Variants in TECTA observed in about 807,000 individuals in gnomAD.
TECTA encodes the protein alpha-tectorin.
A neutral mutation model predicts 216.8 loss-of-function variants in TECTA; 128 were observed. That is an observed-to-expected ratio of 0.59 (90% CI 0.51 to 0.68). TECTA has a LOEUF of 0.68. TECTA is among the 30% of genes least tolerant of loss of function. The probability of loss-of-function intolerance (pLI) is 0.00; values close to 1 mark genes in which losing one functional copy is unlikely to be tolerated. For synonymous variants in TECTA, 1,089 were observed against 1,117.1 expected, an observed-to-expected ratio of 0.97 and a Z score of 0.50; for missense variants, 2,551 against 2,786.2, an observed-to-expected ratio of 0.92 and a Z score of 1.90.
At chr11:121,173,547 A>C (rs1446571106) in intron 20 of TECTA, among the ~76,000 whole-genome samples, 1 of 114,296 alleles carries the variant, frequency 8.7e-6, no homozygotes, top group African/African-American at 3.7e-5. Flanking sequence ...CCATTGATCT[A>C]TATCTCTGTT....
rs953153240 is a variant in TECTA, at chr11:121,109,861, C to T, written c.486+363C>T. 1.8e-5 allele frequency: 5 copies of T among 276,188 alleles called. No homozygotes were observed. The East Asian group carries it at 4.5e-4, about 25-fold the overall frequency. The allele number at this position is 276,188 out of a possible 1,614,324, so 17.1% of individuals were successfully genotyped here. A position where few individuals can be genotyped will look rare whatever the true frequency, so the allele number is the denominator to read the frequency against. On this transcript the variant is annotated intron_variant, in intron 4 of 23. Transcript: ENST00000392793. ...GGGACCCATCTAGGGACCCAAAGGTCCTTTTCTCTTGCCCGAGGTACAAGT... is the reference window on the plus strand; with the variant it reads ...GGGACCCATCTAGGGACCCAAAGGTTCTTTTCTCTTGCCCGAGGTACAAGT...
Position 121,137,703 on chromosome 11 carries a change from T to C in TECTA, c.3224T>C (p.Ile1075Thr), listed in dbSNP as rs764774939. Residue 1075 changes from isoleucine to threonine, a missense_variant, in exon 11 of 24, where the codon ATT becomes ACT. Coordinates refer to ENST00000392793, the MANE Select transcript of TECTA (RefSeq NM_005422.4). ...GACAACAGGGTCCACTGCGAGACCA[T>C]TCCCTGCAAGGATGATGAGTACTGC... ...GTDNRVHCETIPCKDDEYCME... is the reference protein window; with the variant it reads ...GTDNRVHCETTPCKDDEYCME... 2.5e-6 allele frequency: 4 copies of C among 1,613,964 alleles called. No homozygotes were observed. In the Admixed American group the frequency reaches 5.0e-5, roughly 20 times the overall value.
At chr11:121,170,194 T>C (rs1446338086) in intron 20 of TECTA, among the ~76,000 whole-genome samples, 1 of 152,204 alleles carries the variant, frequency 6.6e-6, no homozygotes, top group Non-Finnish European at 1.5e-5. Flanking sequence ...TCATTTCTTT[T>C]TAAGGCTGAA....
chr11:121,178,504 T>C (rs1023358839), intron 20 of TECTA, among the ~76,000 whole-genome samples: 6 of 148,334 alleles, frequency 4.0e-5, no homozygotes, highest in African/African-American at 1.5e-4. Context: ...TGTTTAGATA[T>C]TGGCTTGTAG....
intron 9 of TECTA, 113 bp downstream of exon 9, chr11:121,128,457 A>G: frequency 1.0e-6 from 1 of 982,920 alleles, no homozygotes. Context: ...GATTTTAGAA[A>G]GAAGATGGCT....
rs754872660 is a variant in TECTA, at chr11:121,153,029, C to T, written c.4254C>T (p.Ser1418=). The T allele has an allele frequency of 1.2e-6, 2 of 1,614,176 alleles. No individual in the cohort carries two copies. Among genetic ancestry groups the T allele is most frequent in the Admixed American group, 3.3e-5 (2 of 60,036 alleles). Residue 1418 remains serine, a synonymous_variant, in exon 13 of 24, where the codon AGC becomes AGT. Transcript: ENST00000392793. ...CTGGCTACGTCCTCAACGGCAAGAGCTGCATCCTGCCCCACAGCTGCGGCT... is the reference window on the plus strand; with the variant it reads ...CTGGCTACGTCCTCAACGGCAAGAGTTGCATCCTGCCCCACAGCTGCGGCT... The part of the protein sequence containing the change: ...CDAGYVLNGK[S]CILPHSCGCY...
chr11:121,128,381 C>T (rs747337579), intron 9 of TECTA, 37 bp downstream of exon 9: 4 of 1,585,630 alleles, frequency 2.5e-6, no homozygotes, highest in Non-Finnish European at 3.4e-6. Context: ...GTTCCTGGTA[C>T]GTCCAGCCAG....
chr11:121,124,905 A>G (rs1946592597), intron 7 of TECTA, among the ~76,000 whole-genome samples: 1 of 152,218 alleles, frequency 6.6e-6, no homozygotes, highest in Admixed American at 6.5e-5. Context: ...GTCCTGGAAA[A>G]TGCATGACTT....
At chr11:121,165,471 A>C in intron 17 of TECTA, 88 bp downstream of exon 17, 1 of 1,088,858 alleles carries the variant, frequency 9.2e-7, no homozygotes, top group Non-Finnish European at 1.3e-6. Flanking sequence ...CCACTTTGTG[A>C]AGCTTTCCCA....
chr11:121,109,765 G>A, intron 4 of TECTA: 3 of 465,160 alleles, frequency 6.4e-6, no homozygotes, highest in Non-Finnish European at 1.2e-5. Flanking sequence ...AAACTTTCCT[G>A]CTGTAAGTGA....
intron 11 of TECTA, among the ~76,000 whole-genome samples, chr11:121,143,202 G>T (rs1394565901): frequency 6.6e-6 from 1 of 152,156 alleles, no homozygotes; most frequent in Non-Finnish European, 1.5e-5. Flanking sequence ...GTGTGTATGG[G>T]ATACAAGGCC....
chr11:121,117,747 A>T (rs767883830), intron 6 of TECTA, among the ~76,000 whole-genome samples: 1 of 152,198 alleles, frequency 6.6e-6, no homozygotes, highest in South Asian at 2.1e-4. Context: ...TGTGCAAGAA[A>T]GTGGTCAGTG....
chr11:121,123,014 G>A (rs61013776), intron 7 of TECTA, among the ~76,000 whole-genome samples: 24,690 of 152,184 alleles, frequency 0.16, 2,580 homozygotes, highest in East Asian at 0.35. Flanking sequence ...TGCATGTGGC[G>A]CCTGCCACGG....
Position 121,129,722 on chromosome 11 carries a change from G to A in TECTA, c.2452G>A (p.Glu818Lys), listed in dbSNP as rs1023931004. Residue 818 changes from glutamate (E) to lysine (K), a missense_variant, in exon 10 of 24, where the codon GAG becomes AAG. By Grantham distance (56) the Glu-to-Lys change is moderately conservative (BLOSUM62 1). This residue lies in a region of TECTA where 2,375 missense variants were observed against 2,563.9 expected (regional missense o/e 0.93). Coordinates refer to ENST00000392793, the MANE Select transcript of TECTA (RefSeq NM_005422.4). ...IYRNKNSTTV[E>K]SKGVVTVQYS... ...TCGAAACAAAAACAGTACGACAGTG[G>A]AGTCCAAGGGCGTGGTGACTGTCCA... The A allele has an allele frequency of 4.3e-6, 7 of 1,614,102 alleles. No homozygotes were observed. Among genetic ancestry groups the A allele is most frequent in the Non-Finnish European group, 5.9e-6 (7 of 1,180,046 alleles).
At chr11:121,142,877 C>T (rs1946798217) in intron 11 of TECTA, among the ~76,000 whole-genome samples, 2 of 152,158 alleles carry the variant, frequency 1.3e-5, no homozygotes, top group South Asian at 4.1e-4. Flanking sequence ...CCTCTGTCAT[C>T]TCCTCTCCCT....
chr11:121,134,834 T>C (rs1464390465), intron 10 of TECTA, among the ~76,000 whole-genome samples: 1 of 152,226 alleles, frequency 6.6e-6, no homozygotes, highest in South Asian at 2.1e-4. Flanking sequence ...TAGCGTCGTG[T>C]GTGCCAAGTT....
chr11:121,180,323 C>A (rs1947213908), intron 20 of TECTA, among the ~76,000 whole-genome samples: 1 of 152,030 alleles, frequency 6.6e-6, no homozygotes, highest in Non-Finnish European at 1.5e-5. Context: ...GTGGTGAATT[C>A]CCTCAGTTTT....
intron 20 of TECTA, among the ~76,000 whole-genome samples, chr11:121,179,412 C>CA (rs1231183569): frequency 6.6e-6 from 1 of 152,078 alleles, no homozygotes; most frequent in Non-Finnish European, 1.5e-5. Context: ...GATATGATTT[C>CA]AATTTTTAAA....
intron 14 of TECTA, among the ~76,000 whole-genome samples, chr11:121,159,477 G>A (rs1946977202): frequency 6.6e-6 from 1 of 152,138 alleles, no homozygotes; most frequent in African/African-American, 2.4e-5. Flanking sequence ...TAATAGCCTG[G>A]GGAGAATAGT....
Sources: allele counts gnomAD v4.1 joint callset (sites outside exome capture counted in the v4.1 genomes callset), GRCh38; gene constraint gnomAD v4.1.1; regional missense constraint gnomAD v4.1.1; transcripts MANE v1.5; gene names NCBI Gene and HGNC (gene_info 2026-07-23, HGNC 2026-07-21).